Variants in LYST observed in about 807,000 individuals in gnomAD.
The protein encoded by LYST is lysosomal-trafficking regulator.
Under a neutral mutation model 413.6 loss-of-function variants are expected in LYST, and 192 were observed. That is an observed-to-expected ratio of 0.46 (90% CI 0.41 to 0.52). The LOEUF (loss-of-function observed/expected upper bound fraction) is 0.52, where lower values mean the gene tolerates loss of function less well. Ranked by LOEUF, LYST falls within the 20% of genes least tolerant of loss-of-function variation. LYST has a pLI of 0.00. For synonymous variants in LYST, 1,525 were observed against 1,567.3 expected (o/e 0.97, Z 0.64); for missense variants, 3,815 against 4,499.9 (o/e 0.85, Z 4.35).
intron 45 of LYST, among the ~76,000 whole-genome samples, chr1:235,697,961 G>A (rs1480982005): frequency 6.6e-6 from 1 of 152,170 alleles, no homozygotes; most frequent in Non-Finnish European, 1.5e-5. Context: ...TACCCATTTG[G>A]CTGCCCACGA....
intron 44 of LYST, among the ~76,000 whole-genome samples, chr1:235,705,544 C>T (rs985198123): frequency 2.0e-5 from 3 of 151,824 alleles, no homozygotes; most frequent in Non-Finnish European, 4.4e-5. Flanking sequence ...TGCCACCATG[C>T]CCAGCTAATT....
Position 235,782,213 on chromosome 1 carries a change from C to CAACA in LYST, c.4863-127_4863-126insTGTT, listed in dbSNP as rs10655365. On this transcript the variant is annotated intron_variant, in intron 14 of 52. Transcript: ENST00000389793. ...TTTTTTTTGGAGACAGAGTCTCGCT[C>CAACA]TGTTGCCCAGGTTGGCACGATCTCA... 9.6e-3 allele frequency: 7,920 copies of CAACA among 826,204 alleles called. 446 individuals carry two copies. The African/African-American group carries it at 0.12, about 13-fold the overall frequency. 51.2% of individuals were successfully genotyped at this position (826,204 alleles called of 1,614,324 possible).
Position 235,810,511 on chromosome 1 carries a change from C to G in LYST, c.307G>C (p.Asp103His), listed in dbSNP as rs765939688. 1 of 1,612,300 alleles carries G rather than the reference C, an allele frequency of 6.2e-7. No individual in the cohort carries two copies. Among genetic ancestry groups the G allele is most frequent in the Admixed American group, 1.7e-5 (1 of 59,960 alleles). Residue 103 changes from aspartate to histidine, a missense_variant, in exon 5 of 53, where the codon GAT becomes CAT. Asp to His is a moderately conservative substitution (Grantham distance 81, BLOSUM62 -1). Around this residue, in one of 4 missense-constraint regions of LYST, gnomAD observed 1,648 missense variants for 1,810.3 expected, o/e 0.91. Transcript: ENST00000389793. ...ATDFNLPLSA[D>H]IILTKEKNSS... ...TTCTTTTCTTTGGTCAGGATTATAT[C>G]TGCTGAGAGCGGTAGGTTAAAATCT...
chr1:235,801,064 C>A lies in LYST; in HGVS notation c.3746G>T (p.Ser1249Ile). ...VDLKSETEGFSASSSPNDLLE... is the reference protein window; with the variant it reads ...VDLKSETEGFIASSSPNDLLE... ...TAAGTCATTTGGACTGCTTGATGCACTGAAACCTTCTGTTTCAGACTTTAA... is the reference window on the plus strand; with the variant it reads ...TAAGTCATTTGGACTGCTTGATGCAATGAAACCTTCTGTTTCAGACTTTAA... Residue 1249 changes from serine (S) to isoleucine (I), a missense_variant, in exon 9 of 53, where the codon AGT becomes ATT. Coordinates refer to ENST00000389793, the MANE Select transcript of LYST (RefSeq NM_000081.4). 6.2e-7 allele frequency: 1 copy of A among 1,612,418 alleles called. No individual in the cohort carries two copies. The highest frequency in any genetic ancestry group is 8.5e-7 in the Non-Finnish European group (1 of 1,178,734).
Position 235,781,922 on chromosome 1 carries a change from C to T in LYST, c.5023+5G>A. Reference sequence around the variant, plus strand: ...AGTGCAGTGGTGCAATCATAGCTCACTCACCGTTGAAGAGAAGCAAATTTC... The same window carrying T: ...AGTGCAGTGGTGCAATCATAGCTCATTCACCGTTGAAGAGAAGCAAATTTC... On this transcript the variant is annotated splice_donor_5th_base_variant and intron_variant, in intron 15 of 52. Transcript: ENST00000389793. The T allele has an allele frequency of 6.3e-7, 1 of 1,598,758 alleles. No homozygotes were observed. Among genetic ancestry groups the T allele is most frequent in the Non-Finnish European group, 8.6e-7 (1 of 1,166,204 alleles).
At chr1:235,751,494 T>C in intron 27 of LYST, 132 bp from the exon 28 acceptor site, 2 of 723,758 alleles carry the variant, frequency 2.8e-6, no homozygotes, top group South Asian at 3.6e-5. Flanking sequence ...GGGATGATGG[T>C]AGTAGACATT....
chr1:235,666,264 A>G (rs1252210841), intron 50 of LYST, among the ~76,000 whole-genome samples: 1 of 121,216 alleles, frequency 8.2e-6, no homozygotes, highest in East Asian at 2.1e-4. Flanking sequence ...ACACACACAC[A>G]CACACAATTT....
At chr1:235,788,921 A>G (rs1373412777) in intron 12 of LYST, 76 bp from the exon 13 acceptor site, 1 of 1,393,646 alleles carries the variant, frequency 7.2e-7, no homozygotes, top group Non-Finnish European at 1.0e-6. Context: ...TTAGAAGAAT[A>G]CAAAGCAAAT....
At chr1:235,725,884 A>G (rs190263699) in intron 38 of LYST, among the ~76,000 whole-genome samples, 24 of 152,156 alleles carry the variant, frequency 1.6e-4, no homozygotes, top group African/African-American at 5.8e-4. Context: ...TCTGAAATGA[A>G]GAGGTAGGGA....
chr1:235,846,177 T>C (rs544295701), intron 1 of LYST, among the ~76,000 whole-genome samples: 5 of 152,186 alleles, frequency 3.3e-5, no homozygotes, highest in South Asian at 2.1e-4. Flanking sequence ...GAGAGACCCA[T>C]AGATGGTTCA....
At chr1:235,757,157 A>T in intron 24 of LYST, 124 bp downstream of exon 24, 1 of 641,098 alleles carries the variant, frequency 1.6e-6, no homozygotes, top group Non-Finnish European at 2.6e-6. Flanking sequence ...AAACTATATT[A>T]GTTCATTATT....
At chr1:235,773,750 G>T in intron 19 of LYST, 92 bp downstream of exon 19, 3 of 986,874 alleles carry the variant, frequency 3.0e-6, no homozygotes, top group Non-Finnish European at 4.8e-6. Flanking sequence ...TAATGCCACT[G>T]AACTGAAACT....
intron 44 of LYST, among the ~76,000 whole-genome samples, chr1:235,705,795 T>C (rs1181814454): frequency 6.6e-6 from 1 of 151,966 alleles, no homozygotes; most frequent in Non-Finnish European, 1.5e-5. Flanking sequence ...AATTGCTCTT[T>C]TTATTTTTAT....
At position 235,830,053 on chromosome 1, in the gene LYST, G is replaced by C; in HGVS notation, c.192+173C>G. The C allele has an allele frequency of 3.4e-6, 2 of 591,820 alleles. 1 individual carries two copies. Among genetic ancestry groups the C allele is most frequent in the South Asian group, 4.1e-5 (2 of 48,372 alleles). The allele number at this position is 591,820 out of a possible 1,614,324, so 36.7% of individuals were successfully genotyped here. ...CTAAGATATTTCAGACGTTTTGAAA[G>C]TATTCAAATAAACAATATGGTTATA... On this transcript the variant is annotated intron_variant, in intron 3 of 52. Transcript: ENST00000389793.
chr1:235,801,232 C>T (rs1182305721), intron 8 of LYST, 135 bp from the exon 9 acceptor site: 2 of 662,392 alleles, frequency 3.0e-6, no homozygotes, highest in South Asian at 1.7e-5. Context: ...CAATCTTTTC[C>T]TATAACACAA....
Position 235,787,269 on chromosome 1 carries a change from G to A in LYST, c.4793C>T (p.Thr1598Ile). The A allele has an allele frequency of 6.2e-7, 1 of 1,613,548 alleles. No homozygotes were observed. Among genetic ancestry groups the A allele is most frequent in the Non-Finnish European group, 8.5e-7 (1 of 1,179,578 alleles). ...LPSKWQHLVLTYLQQPQGKRR... is the reference protein window; with the variant it reads ...LPSKWQHLVLIYLQQPQGKRR... ...TTTCCCTTGGGGCTGCTGTAAGTAGGTGAGTACTAAATGTTGCCATTTGCT... is the reference window on the plus strand; with the variant it reads ...TTTCCCTTGGGGCTGCTGTAAGTAGATGAGTACTAAATGTTGCCATTTGCT... The change falls in exon 14 of 53, where the codon ACC becomes ATC. Residue 1598 changes from threonine (T) to isoleucine (I), a missense_variant. Thr to Ile is a moderately conservative substitution (Grantham distance 89). Coordinates refer to ENST00000389793, the MANE Select transcript of LYST (RefSeq NM_000081.4).
intron 10 of LYST, among the ~76,000 whole-genome samples, chr1:235,794,723 C>T (rs1304565997): frequency 6.6e-6 from 1 of 152,176 alleles, no homozygotes; most frequent in East Asian, 1.9e-4. Flanking sequence ...ATAGTACATA[C>T]ATCTGGAGAG....
At position 235,808,645 on chromosome 1, in the gene LYST, C is replaced by A; in HGVS notation, c.2173G>T (p.Val725Phe). The A allele has an allele frequency of 6.2e-7, 1 of 1,612,904 alleles. No homozygotes were observed. Among genetic ancestry groups the A allele is most frequent in the Non-Finnish European group, 8.5e-7 (1 of 1,179,002 alleles). ...TAATTATATAATTTCCACTGAACAA[C>A]TATATTGCCTTTCTGGATTAAATTG... is the stretch of plus-strand genomic sequence containing the variant. ...ICNLIQKGNI[V>F]VQWKLYNYIF... Residue 725 changes from valine (V) to phenylalanine (F), a missense_variant, in exon 5 of 53, where the codon GTT becomes TTT. Val to Phe is a conservative substitution (Grantham distance 50). Transcript: ENST00000389793.
intron 50 of LYST, among the ~76,000 whole-genome samples, chr1:235,666,253 C>T (rs1452880669): frequency 2.7e-5 from 4 of 149,982 alleles, no homozygotes; most frequent in African/African-American, 9.8e-5. Context: ...CACACACACA[C>T]ACACACACAC....
Sources: gnomAD v4.1 joint callset for allele counts (sites outside exome capture counted in the v4.1 genomes callset) on GRCh38, gnomAD v4.1.1 for gene constraint, gnomAD v4.1.1 regional missense constraint, MANE v1.5 for transcripts, NCBI Gene and HGNC (gene_info 2026-07-23, HGNC 2026-07-21) for gene names.